COL25A1: variants seen among roughly 807,000 people sequenced by gnomAD.
The protein encoded by COL25A1 is collagen alpha-1(XXV) chain.
A neutral mutation model predicts 128.4 loss-of-function variants in COL25A1; 103 were observed. The ratio of observed to expected loss-of-function variants is 0.80; its 90% confidence interval spans 0.68 to 0.94. The LOEUF is 0.94. COL25A1 is among the 40% of genes least tolerant of loss of function. The probability of loss-of-function intolerance (pLI) is 0.00; values close to 1 mark genes in which losing one functional copy is unlikely to be tolerated. For missense variants in COL25A1, 745 were observed against 840.0 expected, an observed-to-expected ratio of 0.89 and a Z score of 1.40; for synonymous variants, 279 against 277.2, an observed-to-expected ratio of 1.01 and a Z score of -0.06.
chr4:108,832,073 G>A (rs1048778640), intron 32 of COL25A1, among the ~76,000 whole-genome samples: 11 of 152,086 alleles, frequency 7.2e-5, no homozygotes, highest in Non-Finnish European at 1.5e-4. Flanking sequence ...CATTGACTTC[G>A]ACTTTCTGGA....
Position 109,078,953 on chromosome 4 carries a change from A to G in COL25A1, c.368-28774T>C, listed in dbSNP as rs116801643. On this transcript the variant is annotated intron_variant, in intron 3 of 37. Transcript: ENST00000399132. Reference sequence around the variant, plus strand: ...ATCCTGATATTTGTTTCTGCTTACTACATGGAATGCCAAGTGCAAAAGGCA... The same window carrying G: ...ATCCTGATATTTGTTTCTGCTTACTGCATGGAATGCCAAGTGCAAAAGGCA... 2.2e-3 allele frequency among the ~76,000 whole-genome samples: 341 copies of G among 152,320 alleles called. 1 individual carries two copies. The highest frequency in any genetic ancestry group is 7.7e-3 in the African/African-American group (320 of 41,574).
Position 108,808,731 on chromosome 4 carries a change from T to C in COL25A1, c.*5196A>G, listed in dbSNP as rs115968058. 152 of 152,310 alleles carry C rather than the reference T, an allele frequency of 1.0e-3. No individual in the cohort carries two copies. The highest frequency in any genetic ancestry group is 3.6e-3 in the African/African-American group (151 of 41,580). The allele number at this position is 152,310 out of a possible 1,614,324, so 9.4% of individuals were successfully genotyped here. Reference sequence around the variant, plus strand: ...CAAAGAAAAGAGGCCAAGGTTTTCATGAACATCAATAAAGCTTTATAACAA... The same window carrying C: ...CAAAGAAAAGAGGCCAAGGTTTTCACGAACATCAATAAAGCTTTATAACAA... On this transcript the variant is annotated 3_prime_UTR_variant, in exon 38 of 38. Coordinates refer to ENST00000399132, the MANE Select transcript of COL25A1 (RefSeq NM_198721.4).
chr4:109,127,443 T>C (rs1017858689), intron 3 of COL25A1, among the ~76,000 whole-genome samples: 7 of 152,180 alleles, frequency 4.6e-5, no homozygotes, highest in Non-Finnish European at 7.3e-5. Flanking sequence ...AACACAGCTC[T>C]AGTGGTTATT....
At chr4:109,137,998 G>GTGTA in intron 3 of COL25A1, among the ~76,000 whole-genome samples, 2 of 151,892 alleles carry the variant, frequency 1.3e-5, no homozygotes, top group South Asian at 4.2e-4. Context: ...GTGTGTGTGT[G>GTGTA]TGTGTGTGTG....
chr4:108,984,922 T>C (rs925002430), intron 6 of COL25A1, among the ~76,000 whole-genome samples: 10 of 152,164 alleles, frequency 6.6e-5, no homozygotes, highest in Non-Finnish European at 2.9e-5. Context: ...TCTCAGTATG[T>C]AGAGCAATAT....
At chr4:108,834,230 C>G in intron 31 of COL25A1, 1 of 1,010,670 alleles carries the variant, frequency 9.9e-7, no homozygotes, top group East Asian at 2.7e-5. Context: ...CCACCTTCCC[C>G]TTTTACTCCA....
chr4:109,082,374 G>T lies in COL25A1; in HGVS notation c.368-32195C>A, dbSNP rs552112827. On this transcript the variant is annotated intron_variant, in intron 3 of 37. Transcript: ENST00000399132. ...AACTTGATCTTTAATTATTTGAGAG[G>T]CTGCCAGACTGTTTTCCAAAGAGGC... Among the ~76,000 whole-genome samples the T allele has an allele frequency of 2.4e-4, 36 of 152,252 alleles. 1 individual carries two copies. In the South Asian group the frequency reaches 7.5e-3, roughly 32 times the overall value.
intron 3 of COL25A1, among the ~76,000 whole-genome samples, chr4:109,224,236 T>TGG (rs1778619289): frequency 6.6e-6 from 1 of 152,188 alleles, no homozygotes; most frequent in East Asian, 1.9e-4. Flanking sequence ...CAAATTGGTA[T>TGG]GGGGGTTTGA....
intron 17 of COL25A1, 71 bp from the exon 18 acceptor site, chr4:108,889,327 C>T (rs1383314670): frequency 5.4e-6 from 8 of 1,477,262 alleles, no homozygotes; most frequent in African/African-American, 1.4e-5. Context: ...GACCTCTGGG[C>T]ACCATCACAG....
chr4:109,289,442 A>G (rs889630114), intron 3 of COL25A1, among the ~76,000 whole-genome samples: 4 of 152,118 alleles, frequency 2.6e-5, no homozygotes, highest in Non-Finnish European at 5.9e-5. Context: ...TTTGAAATTT[A>G]TATTTTAACA....
intron 3 of COL25A1, among the ~76,000 whole-genome samples, chr4:109,199,183 T>C (rs1776356165): frequency 6.6e-6 from 1 of 152,238 alleles, no homozygotes; most frequent in South Asian, 2.1e-4. Context: ...TTTATAATTT[T>C]ACTTATTAAC....
rs58240378 is a variant in COL25A1 at position 108,873,522 on chromosome 4, C to CTAGTAGTAG, written c.1021-4381_1021-4373dup. On this transcript the variant is annotated intron_variant, in intron 19 of 37. Transcript: ENST00000399132. ...TTACAGGCTTACAAATGTTAGCTGT[C>CTAGTAGTAG]TAGTAGTAGTAGTAGTAGTAGTAGT... Among the ~76,000 whole-genome samples, 327 of 147,252 alleles carry CTAGTAGTAG rather than the reference C, an allele frequency of 2.2e-3. 1 individual carries two copies. Among genetic ancestry groups the CTAGTAGTAG allele is most frequent in the Middle Eastern group, 3.5e-3 (1 of 282 alleles).
At chr4:108,962,588 T>C (rs1178250858) in intron 8 of COL25A1, among the ~76,000 whole-genome samples, 6 of 152,274 alleles carry the variant, frequency 3.9e-5, no homozygotes, top group Admixed American at 2.0e-4. Flanking sequence ...AATGCTACAC[T>C]GGAGGTTTTT....
At chr4:108,944,978 CAG>C (rs1748553566) in intron 8 of COL25A1, among the ~76,000 whole-genome samples, 1 of 152,104 alleles carries the variant, frequency 6.6e-6, no homozygotes, top group African/African-American at 2.4e-5. Flanking sequence ...GACATGTGGA[CAG>C]AGTTTCTTAT....
intron 3 of COL25A1, among the ~76,000 whole-genome samples, chr4:109,255,412 G>T (rs1781006364): frequency 6.6e-6 from 1 of 152,192 alleles, no homozygotes; most frequent in African/African-American, 2.4e-5. Flanking sequence ...AGGCCTTGTG[G>T]TTTGGGTGTT....
At chr4:109,127,448 G>T (rs11947505) in intron 3 of COL25A1, among the ~76,000 whole-genome samples, 27,615 of 152,038 alleles carry the variant, frequency 0.18, 3,322 homozygotes, top group East Asian at 0.38. Flanking sequence ...AGCTCTAGTG[G>T]TTATTAGTTG....
chr4:109,156,132 C>T (rs1005074166), intron 3 of COL25A1, among the ~76,000 whole-genome samples: 1 of 152,128 alleles, frequency 6.6e-6, no homozygotes, highest in African/African-American at 2.4e-5. Flanking sequence ...GAAAGAATCC[C>T]AATTAGAACC....
At chr4:109,157,273 C>T (rs1480514397) in intron 3 of COL25A1, among the ~76,000 whole-genome samples, 3 of 152,146 alleles carry the variant, frequency 2.0e-5, no homozygotes, top group African/African-American at 7.2e-5. Flanking sequence ...AATCTCGTAT[C>T]TTCAAGATTG....
chr4:108,982,694 G>T (rs1261087270), intron 6 of COL25A1, among the ~76,000 whole-genome samples: 1 of 152,132 alleles, frequency 6.6e-6, no homozygotes, highest in Non-Finnish European at 1.5e-5. Context: ...AAGATTAAAA[G>T]AGACCAAGCA....
Sources: gnomAD v4.1 joint callset for allele counts (sites outside exome capture counted in the v4.1 genomes callset) on GRCh38, gnomAD v4.1.1 for gene constraint, MANE v1.5 for transcripts, NCBI Gene and HGNC (gene_info 2026-07-23, HGNC 2026-07-21) for gene names.